NBEAL1: variants seen among roughly 807,000 people sequenced by gnomAD.
The protein encoded by NBEAL1 is neurobeachin like 1, also known as neurobeachin-like protein 1.
A neutral mutation model predicts 351.3 loss-of-function variants in NBEAL1; 273 were observed. The observed-to-expected ratio is 0.78, with a 90% CI of 0.70 to 0.86. The LOEUF is 0.86. Ranked by LOEUF, NBEAL1 falls within the 40% of genes least tolerant of loss-of-function variation. The pLI is 0.00. For missense variants in NBEAL1, 2,961 were observed against 3,201.3 expected (o/e 0.92, Z 1.81); for synonymous variants, 1,050 against 1,086.4 (o/e 0.97, Z 0.66).
chr2:203,211,191 T>C (rs1222914032), intron 54 of NBEAL1, 85 bp downstream of exon 54: 2 of 1,050,672 alleles, frequency 1.9e-6, no homozygotes, highest in African/African-American at 3.3e-5. Flanking sequence ...TCTAAGATTT[T>C]TAATCTTTTG....
chr2:203,101,660 A>T (rs1219847060), intron 12 of NBEAL1, among the ~76,000 whole-genome samples: 5 of 152,044 alleles, frequency 3.3e-5, no homozygotes, highest in Non-Finnish European at 5.9e-5. Flanking sequence ...TAGTGGCGTG[A>T]TCCTAGCTCA....
At chr2:203,150,895 C>T (rs547093131) in intron 34 of NBEAL1, among the ~76,000 whole-genome samples, 2 of 152,302 alleles carry the variant, frequency 1.3e-5, no homozygotes, top group South Asian at 4.1e-4. Flanking sequence ...TTTCTGCTAC[C>T]TGTAAACCTC....
intron 45 of NBEAL1, among the ~76,000 whole-genome samples, chr2:203,189,487 C>T (rs1367674183): frequency 6.6e-6 from 1 of 152,042 alleles, no homozygotes; most frequent in African/African-American, 2.4e-5. Context: ...CTGGGGTCAA[C>T]CAGCCCCTGC....
chr2:203,153,313 T>TC, intron 35 of NBEAL1, among the ~76,000 whole-genome samples: 1 of 148,094 alleles, frequency 6.8e-6, no homozygotes, highest in Non-Finnish European at 1.5e-5. Flanking sequence ...TTTTTTTTTT[T>TC]TTTTTTTTGG....
At chr2:203,171,666 GA>G (rs2064322097) in intron 39 of NBEAL1, among the ~76,000 whole-genome samples, 1 of 93,516 alleles carries the variant, frequency 1.1e-5, no homozygotes, top group Admixed American at 1.5e-4. Context: ...TGTAATTGAA[GA>G]AAAGACAAGG....
In NBEAL1 at chr2:203,122,264, A is replaced by G; in HGVS notation, c.2603A>G (p.Asn868Ser). The part of the protein sequence containing the change: ...LLYYTAKACK[N>S]SICLDLSTNC... ...TTCTTTTATTCTTAGGCCTGCAAAA[A>G]TTCAATCTGTCTTGATTTATCTACT... Residue 868 changes from asparagine (N) to serine (S), a missense_variant, in exon 19 of 56, where the codon AAT becomes AGT. By Grantham distance (46) the Asn-to-Ser change is conservative. Coordinates refer to ENST00000683969, the MANE Select transcript of NBEAL1 (RefSeq NM_001378026.1). 1.3e-6 allele frequency: 2 copies of G among 1,530,230 alleles called. No homozygotes were observed. Among genetic ancestry groups the G allele is most frequent in the Non-Finnish European group, 1.8e-6 (2 of 1,140,178 alleles). 94.8% of individuals were successfully genotyped at this position (1,530,230 alleles called of 1,614,324 possible).
In NBEAL1 at chr2:203,048,043, T is replaced by A. The variant is rs978910361; in HGVS notation, c.144-1771T>A. 2.0e-5 allele frequency among the ~76,000 whole-genome samples: 3 copies of A among 152,090 alleles called. No individual in the cohort carries two copies. The South Asian group carries it at 6.2e-4, about 31-fold the overall frequency. ...ACAGGTTTATAAGAAATACTGCATT[T>A]TTTTCATTATCTGTGACTCAACATG... On this transcript the variant is annotated intron_variant, in intron 3 of 55. Coordinates refer to ENST00000683969, the MANE Select transcript of NBEAL1 (RefSeq NM_001378026.1).
chr2:203,131,116 T>G (rs1034544781), intron 25 of NBEAL1, among the ~76,000 whole-genome samples: 1 of 152,278 alleles, frequency 6.6e-6, no homozygotes, highest in Non-Finnish European at 1.5e-5. Flanking sequence ...AACAAAATTT[T>G]AAATTATTTC....
chr2:203,121,653 C>CAA (rs762624821), intron 18 of NBEAL1, among the ~76,000 whole-genome samples: 14 of 72,102 alleles, frequency 1.9e-4, no homozygotes, highest in Admixed American at 3.0e-4. Context: ...ACTCTGTCTC[C>CAA]AAAAAAAAAA....
In NBEAL1 at chr2:203,049,879, A is replaced by G. The variant is rs1378516969; in HGVS notation, c.209A>G (p.Gln70Arg). Residue 70 changes from glutamine (Q) to arginine (R), a missense_variant, in exon 4 of 56, where the codon CAG becomes CGG. Gln to Arg is a conservative substitution (Grantham distance 43). Coordinates refer to ENST00000683969, the MANE Select transcript of NBEAL1 (RefSeq NM_001378026.1). ...PDNILQVLRI[Q>R]LLQCVQKMAD... is the part of the protein sequence containing the mutation. ...AATATTCTGCAGGTTCTGAGGATCC[A>G]GCTTCTACAGTGTGTTCAGAAAATG... The G allele has an allele frequency of 6.4e-7, 1 of 1,556,856 alleles. No homozygotes were observed. Among genetic ancestry groups the G allele is most frequent in the South Asian group, 1.2e-5 (1 of 84,604 alleles).
chr2:203,129,388 T>C (rs2063021276), intron 24 of NBEAL1, among the ~76,000 whole-genome samples: 1 of 152,190 alleles, frequency 6.6e-6, no homozygotes, highest in Admixed American at 6.5e-5. Flanking sequence ...TAATATTTAT[T>C]ATTTACTCAG....
chr2:203,083,394 G>T lies in NBEAL1; in HGVS notation c.860G>T (p.Arg287Leu), dbSNP rs560887207. ...CTTCTCAGTAGCAACTCTGATCAGC[G>T]TCAAGTGGAAACCAGTACTATTCTG... ...HILLSSNSDQ[R>L]QVETSTILEN... The change falls in exon 9 of 56, where the codon CGT (arginine) becomes CTT (leucine). Residue 287 changes from arginine to leucine, a missense_variant. By Grantham distance (102) the Arg-to-Leu change is moderately radical. Transcript: ENST00000683969. 2.6e-6 allele frequency: 4 copies of T among 1,555,392 alleles called. No individual in the cohort carries two copies. Among genetic ancestry groups the T allele is most frequent in the Non-Finnish European group, 3.5e-6 (4 of 1,147,970 alleles).
chr2:203,039,489 C>T (rs1198836872), intron 2 of NBEAL1, among the ~76,000 whole-genome samples: 4 of 146,800 alleles, frequency 2.7e-5, no homozygotes, highest in Admixed American at 1.4e-4. Flanking sequence ...CTGCAACCTC[C>T]GCCTCCTGGG....
At chr2:203,049,583 A>G (rs996084523) in intron 3 of NBEAL1, among the ~76,000 whole-genome samples, 6 of 152,132 alleles carry the variant, frequency 3.9e-5, no homozygotes, top group African/African-American at 1.4e-4. Context: ...AAGAAAAACC[A>G]CTCTGCTCTA....
chr2:203,068,898 T>A (rs1220387868), intron 7 of NBEAL1, among the ~76,000 whole-genome samples: 2 of 151,812 alleles, frequency 1.3e-5, no homozygotes, highest in African/African-American at 4.8e-5. Flanking sequence ...CCCGGCTCAT[T>A]TTTGTATTTT....
chr2:203,130,975 T>C (rs1441278153), intron 25 of NBEAL1, among the ~76,000 whole-genome samples: 1 of 152,238 alleles, frequency 6.6e-6, no homozygotes, highest in Non-Finnish European at 1.5e-5. Flanking sequence ...TGTTTACTTA[T>C]CCTTGAAAAT....
Position 203,132,010 on chromosome 2 carries a change from A to C in NBEAL1, c.3602A>C (p.Glu1201Ala). 6.4e-7 allele frequency: 1 copy of C among 1,551,800 alleles called. No individual in the cohort carries two copies. Among genetic ancestry groups the C allele is most frequent in the Admixed American group, 2.0e-5 (1 of 50,580 alleles). ...EQMLKCTNVY[E>A]RSKQHIRLRE... ...ATGTTGAAATGCACGAACGTTTATG[A>C]GCGTAGTAAACAACATATTCGACTC... is the stretch of plus-strand genomic sequence containing the variant. The change falls in exon 26 of 56, where the codon GAG (glutamate) becomes GCG (alanine). Residue 1201 changes from glutamate (E) to alanine (A), a missense_variant. By Grantham distance (107) the Glu-to-Ala change is moderately radical. Coordinates refer to ENST00000683969, the MANE Select transcript of NBEAL1 (RefSeq NM_001378026.1).
Position 203,220,689 on chromosome 2 carries a change from A to AT in NBEAL1, c.*3342dup, listed in dbSNP as rs2065944623. Among the ~76,000 whole-genome samples, 2 of 152,168 alleles carry AT rather than the reference A, an allele frequency of 1.3e-5. No individual in the cohort carries two copies. The highest frequency in any genetic ancestry group is 4.8e-5 in the African/African-American group (2 of 41,446). On this transcript the variant is annotated 3_prime_UTR_variant, in exon 56 of 56. Coordinates refer to ENST00000683969, the MANE Select transcript of NBEAL1 (RefSeq NM_001378026.1). ...TTAGAGAATAAAGAACCTTTATAAA[A>AT]TTTTTTTACAACTGTTTGCAATCAG...
At chr2:203,207,440 G>T (rs2065634585) in intron 51 of NBEAL1, among the ~76,000 whole-genome samples, 1 of 152,224 alleles carries the variant, frequency 6.6e-6, no homozygotes, top group African/African-American at 2.4e-5. Flanking sequence ...AACGGGCCAT[G>T]ATGACAATGG....
Sources: gnomAD v4.1 joint callset for allele counts (sites outside exome capture counted in the v4.1 genomes callset) on GRCh38, gnomAD v4.1.1 for gene constraint, MANE v1.5 for transcripts, NCBI Gene and HGNC (gene_info 2026-07-23, HGNC 2026-07-21) for gene names.